Variants in CD83 observed in about 807,000 individuals in gnomAD.
CD83 encodes the protein CD83 antigen.
A neutral mutation model predicts 24.6 loss-of-function variants in CD83; 22 were observed. That is an observed-to-expected ratio of 0.90 (90% CI 0.64 to 1.28). The LOEUF (loss-of-function observed/expected upper bound fraction) is 1.28, where lower values mean the gene tolerates loss of function less well. CD83 is among the 50% of genes most tolerant of loss of function. The pLI is 0.00. For missense variants in CD83, 253 were observed against 252.8 expected, an observed-to-expected ratio of 1.00 and a Z score of -0.01; for synonymous variants, 101 against 103.5, an observed-to-expected ratio of 0.98 and a Z score of 0.14.
chr6:14,125,400 C>A (rs1759779962), intron 2 of CD83, among the ~76,000 whole-genome samples: 1 of 152,200 alleles, frequency 6.6e-6, no homozygotes, highest in Admixed American at 6.5e-5. Context: ...TCTGAAATGC[C>A]TGGGAGCAGA....
intron 2 of CD83, 135 bp downstream of exon 2, chr6:14,118,200 G>A (rs1759587118): frequency 4.9e-6 from 3 of 609,840 alleles, no homozygotes; most frequent in South Asian, 2.1e-5. Flanking sequence ...TGAACTTGGA[G>A]TACCCAGCCT....
chr6:14,119,872 A>C (rs1759631586), intron 2 of CD83, among the ~76,000 whole-genome samples: 1 of 152,254 alleles, frequency 6.6e-6, no homozygotes, highest in Non-Finnish European at 1.5e-5. Flanking sequence ...AAGTTCAAAC[A>C]GTTCTGGAGT....
At chr6:14,132,845 C>T (rs1352056216) in intron 3 of CD83, among the ~76,000 whole-genome samples, 1 of 152,226 alleles carries the variant, frequency 6.6e-6, no homozygotes, top group Admixed American at 6.5e-5. Context: ...TCCACCTGCT[C>T]CTGCCTGGGG....
chr6:14,118,449 G>A (rs1759595720), intron 2 of CD83, among the ~76,000 whole-genome samples: 1 of 152,192 alleles, frequency 6.6e-6, no homozygotes, highest in African/African-American at 2.4e-5. Context: ...TGGACAGGGG[G>A]AATGTCTCCA....
intron 2 of CD83, among the ~76,000 whole-genome samples, chr6:14,122,957 C>T (rs1484272025): frequency 9.2e-5 from 14 of 152,344 alleles, no homozygotes; most frequent in Non-Finnish European, 7.3e-5. Flanking sequence ...ACTTAAACAG[C>T]AGATATGGCT....
chr6:14,134,074 G>C (rs761079056), intron 4 of CD83, among the ~76,000 whole-genome samples: 2 of 152,206 alleles, frequency 1.3e-5, no homozygotes, highest in East Asian at 3.8e-4. Context: ...AAGTTGCAGC[G>C]CTGAGGGTCC....
chr6:14,134,128 G>A (rs1757988586), intron 4 of CD83, among the ~76,000 whole-genome samples: 1 of 152,260 alleles, frequency 6.6e-6, no homozygotes, highest in African/African-American at 2.4e-5. Flanking sequence ...GGGTGAGGGA[G>A]TGGGCCCCAC....
chr6:14,127,941 T>C (rs1270316484), intron 2 of CD83, among the ~76,000 whole-genome samples: 3 of 152,260 alleles, frequency 2.0e-5, no homozygotes, highest in Non-Finnish European at 4.4e-5. Context: ...ATTAGCATTG[T>C]GAAGCGTGCA....
chr6:14,134,485 T>G (rs1417258546), intron 4 of CD83, among the ~76,000 whole-genome samples: 1 of 152,150 alleles, frequency 6.6e-6, no homozygotes, highest in Non-Finnish European at 1.5e-5. Context: ...TTTGTCTCCA[T>G]CCACCAGGCA....
chr6:14,126,250 CTATT>C (rs897552745), intron 2 of CD83, among the ~76,000 whole-genome samples: 2 of 152,066 alleles, frequency 1.3e-5, no homozygotes, highest in African/African-American at 2.4e-5. Context: ...ATTCAGGGAA[CTATT>C]TAGTATGCAG....
chr6:14,122,526 C>T (rs780486918), intron 2 of CD83, among the ~76,000 whole-genome samples: 14 of 151,966 alleles, frequency 9.2e-5, no homozygotes, highest in Non-Finnish European at 2.1e-4. Context: ...TTCCTTGATT[C>T]CAGAATGATT....
At chr6:14,125,451 A>G (rs1759781453) in intron 2 of CD83, among the ~76,000 whole-genome samples, 1 of 152,230 alleles carries the variant, frequency 6.6e-6, no homozygotes, top group African/African-American at 2.4e-5. Context: ...CAACCTGTAT[A>G]TCCTTCCAGA....
In CD83 at chr6:14,117,856, T is replaced by C; in HGVS notation, c.37+8T>C. The C allele has an allele frequency of 6.3e-7, 1 of 1,574,916 alleles. No individual in the cohort carries two copies. Among genetic ancestry groups the C allele is most frequent in the Non-Finnish European group, 8.6e-7 (1 of 1,168,046 alleles). ...TTCTGCTCCTGAGCTGCGGTAGGGC[T>C]CGCGAGCGCCTGTCTCGCCTGTCGC... is the stretch of plus-strand genomic sequence containing the variant. On this transcript the variant is annotated splice_region_variant and intron_variant, in intron 1 of 4. Transcript: ENST00000379153. The surrounding 1 kb of genome is among the most constrained non-coding windows in gnomAD (Gnocchi z 4.6).
chr6:14,127,449 A>T (rs112567373), intron 2 of CD83, among the ~76,000 whole-genome samples: 18 of 152,344 alleles, frequency 1.2e-4, no homozygotes, highest in African/African-American at 4.1e-4. Context: ...AACTTAAAAA[A>T]AAACACTTTC....
chr6:14,117,784 C>T lies in CD83; in HGVS notation c.-28C>T. ...GCGCCCGCGCGCCACAGCTCTGCAGCTCGTGGCAGCGGCGCAGCGCTCCAG... is the reference window on the plus strand; with the variant it reads ...GCGCCCGCGCGCCACAGCTCTGCAGTTCGTGGCAGCGGCGCAGCGCTCCAG... On this transcript the variant is annotated 5_prime_UTR_variant, in exon 1 of 5. Transcript: ENST00000379153. This position sits in a 1 kb window ranked among gnomAD's most constrained non-coding sequence, Gnocchi z 4.6. 6.8e-7 allele frequency: 1 copy of T among 1,480,738 alleles called. No homozygotes were observed. The highest frequency in any genetic ancestry group is 9.0e-7 in the Non-Finnish European group (1 of 1,117,164). 91.7% of individuals were successfully genotyped at this position (1,480,738 alleles called of 1,614,324 possible). A position where few individuals can be genotyped will look rare whatever the true frequency, so the allele number is the denominator to read the frequency against.
intron 2 of CD83, among the ~76,000 whole-genome samples, chr6:14,125,453 C>A (rs1404116698): frequency 2.0e-5 from 3 of 152,156 alleles, no homozygotes; most frequent in Non-Finnish European, 4.4e-5. Context: ...ACCTGTATAT[C>A]CTTCCAGAAG....
chr6:14,123,395 G>A (rs143830916), intron 2 of CD83, among the ~76,000 whole-genome samples: 3 of 152,268 alleles, frequency 2.0e-5, no homozygotes, highest in South Asian at 2.1e-4. Flanking sequence ...CACCACGCCC[G>A]GCCTCACTGA....
intron 2 of CD83, among the ~76,000 whole-genome samples, chr6:14,127,779 G>A (rs753479891): frequency 1.3e-5 from 2 of 152,150 alleles, no homozygotes; most frequent in Admixed American, 6.5e-5. Context: ...GATGTCCCAC[G>A]TTTGCACTTT....
At chr6:14,133,188 C>T (rs1467707752) in intron 3 of CD83, among the ~76,000 whole-genome samples, 1 of 152,248 alleles carries the variant, frequency 6.6e-6, no homozygotes, top group Non-Finnish European at 1.5e-5. Context: ...GGACACACCA[C>T]AGTCTACCCA....
Sources: gnomAD v4.1 joint callset for allele counts (sites outside exome capture counted in the v4.1 genomes callset) on GRCh38, gnomAD v4.1.1 for gene constraint, Gnocchi (gnomAD v3.1) non-coding constraint, MANE v1.5 for transcripts, NCBI Gene and HGNC (gene_info 2026-07-23, HGNC 2026-07-21) for gene names.